The following KALRN variants were observed in gnomAD, a reference collection of about 807,000 sequenced individuals.
KALRN encodes the protein kalirin.
Under a neutral mutation model 353.7 loss-of-function variants are expected in KALRN, and 70 were observed. The observed-to-expected ratio is 0.20, with a 90% CI of 0.16 to 0.24. The LOEUF (loss-of-function observed/expected upper bound fraction) is 0.24, where lower values mean the gene tolerates loss of function less well. Among genes scored for constraint, KALRN ranks in the 10% least tolerant of loss-of-function variants. KALRN has a pLI of 1.00. For synonymous variants in KALRN, 1,391 were observed against 1,434.8 expected (o/e 0.97, Z 0.69); for missense variants, 2,791 against 3,756.7 (o/e 0.74, Z 6.72).
chr3:124,413,445 G>A (rs1367666588), intron 13 of KALRN, 25 bp from the exon 14 acceptor site: 2 of 1,606,532 alleles, frequency 1.2e-6, no homozygotes, highest in Non-Finnish European at 1.7e-6. Context: ...GTGAGCCTGT[G>A]CTGATGACAG....
intron 10 of KALRN, among the ~76,000 whole-genome samples, chr3:124,382,260 A>T (rs972974369): frequency 1.3e-5 from 2 of 152,146 alleles, no homozygotes; most frequent in Non-Finnish European, 2.9e-5. Flanking sequence ...ATTAGCTACT[A>T]TTATTCTGTT....
chr3:124,593,239 C>G (rs2075977532), intron 34 of KALRN, among the ~76,000 whole-genome samples: 1 of 152,190 alleles, frequency 6.6e-6, no homozygotes, highest in Non-Finnish European at 1.5e-5. Context: ...ACATTGTTTG[C>G]CACACATTTT....
chr3:124,612,398 T>C (rs1239816363), intron 34 of KALRN, among the ~76,000 whole-genome samples: 1 of 152,184 alleles, frequency 6.6e-6, no homozygotes, highest in Non-Finnish European at 1.5e-5. Flanking sequence ...ACATGGGGTT[T>C]CTCCATGTTG....
chr3:124,318,641 T>C (rs1467878051), intron 6 of KALRN, among the ~76,000 whole-genome samples: 2 of 152,214 alleles, frequency 1.3e-5, no homozygotes, highest in East Asian at 3.8e-4. Flanking sequence ...ACACAATCTA[T>C]TTTCTTACTG....
intron 36 of KALRN, among the ~76,000 whole-genome samples, chr3:124,635,369 C>T (rs1013723465): frequency 6.6e-6 from 1 of 152,224 alleles, no homozygotes; most frequent in Non-Finnish European, 1.5e-5. Flanking sequence ...CTAATTCCCT[C>T]AAACACAGCT....
chr3:124,208,609 A>T (rs1223628434), intron 1 of KALRN, among the ~76,000 whole-genome samples: 1 of 152,154 alleles, frequency 6.6e-6, no homozygotes, highest in Non-Finnish European at 1.5e-5. Context: ...TCCTGCTTCC[A>T]CTGTCTCCAG....
intron 10 of KALRN, among the ~76,000 whole-genome samples, chr3:124,367,424 A>C (rs1226453164): frequency 8.7e-5 from 3 of 34,454 alleles, no homozygotes; most frequent in African/African-American, 1.3e-4. Flanking sequence ...TGACCCCCCC[A>C]CCTCCCTCCC....
rs2080336520 is a variant in KALRN, at chr3:124,329,924, C to A, written c.1348C>A (p.Gln450Lys). ...CSEGGLPSEM[Q>K]DLELAIHHHQ... ...TGAAGGTGGTCTGCCATCCGAGATGCAAGACCTAGAGCTGGCAATCCACCA... is the reference window on the plus strand; with the variant it reads ...TGAAGGTGGTCTGCCATCCGAGATGAAAGACCTAGAGCTGGCAATCCACCA... The change falls in exon 8 of 60, where the codon CAA becomes AAA. Residue 450 changes from glutamine to lysine, a missense_variant. By Grantham distance (53) the Gln-to-Lys change is moderately conservative. This residue lies in a region of KALRN where 366 missense variants were observed against 489.2 expected (regional missense o/e 0.75). Coordinates refer to ENST00000682506, the MANE Select transcript of KALRN (RefSeq NM_001388419.1). 9 of 1,613,820 alleles carry A rather than the reference C, an allele frequency of 5.6e-6. No individual in the cohort carries two copies. Among genetic ancestry groups the A allele is most frequent in the Non-Finnish European group, 7.6e-6 (9 of 1,179,898 alleles).
At chr3:124,258,755 C>T (rs1026479919) in intron 3 of KALRN, among the ~76,000 whole-genome samples, 4 of 152,204 alleles carry the variant, frequency 2.6e-5, no homozygotes, top group African/African-American at 4.8e-5. Flanking sequence ...AAATTGCCTT[C>T]AGAATTTCAT....
At chr3:124,716,658 T>G (rs1021393022) in intron 58 of KALRN, among the ~76,000 whole-genome samples, 1 of 152,184 alleles carries the variant, frequency 6.6e-6, no homozygotes, top group African/African-American at 2.4e-5. Flanking sequence ...GAAAGTAGTT[T>G]GGCTAGGCAC....
At chr3:124,444,373 C>T (rs2093762128) in intron 19 of KALRN, among the ~76,000 whole-genome samples, 1 of 152,196 alleles carries the variant, frequency 6.6e-6, no homozygotes, top group South Asian at 2.1e-4. Context: ...CTGTTAACAA[C>T]TCATTTGCTA....
intron 34 of KALRN, among the ~76,000 whole-genome samples, chr3:124,564,413 G>A (rs2109918258): frequency 6.6e-6 from 1 of 152,172 alleles, no homozygotes; most frequent in East Asian, 1.9e-4. Context: ...TAAAAGCCAG[G>A]TACAGTGGCT....
chr3:124,265,873 T>A (rs138231591), intron 4 of KALRN, among the ~76,000 whole-genome samples: 1 of 152,124 alleles, frequency 6.6e-6, no homozygotes, highest in Non-Finnish European at 1.5e-5. Flanking sequence ...CCCAACACTT[T>A]GGGAGGCTGA....
Position 124,632,490 on chromosome 3 carries a change from C to T in KALRN, c.5253C>T (p.Pro1751=), listed in dbSNP as rs771589968. 1.5e-5 allele frequency: 25 copies of T among 1,614,066 alleles called. No homozygotes were observed. Among genetic ancestry groups the T allele is most frequent in the Non-Finnish European group, 1.9e-5 (23 of 1,180,028 alleles). ...SESVANLQAQ[P]SLNSIHSSPG... Reference sequence around the variant, plus strand: ...CCGTGGCCAACCTGCAGGCCCAGCCCTCCCTGAACTCCATCCACAGTTCCC... The same window carrying T: ...CCGTGGCCAACCTGCAGGCCCAGCCTTCCCTGAACTCCATCCACAGTTCCC... Residue 1751 remains proline, a synonymous_variant, in exon 35 of 60, where the codon CCC becomes CCT. Transcript: ENST00000682506.
intron 1 of KALRN, among the ~76,000 whole-genome samples, chr3:124,060,971 C>T (rs554463247): frequency 6.6e-6 from 1 of 152,320 alleles, no homozygotes; most frequent in Admixed American, 6.5e-5. Context: ...TAGGTCCCAA[C>T]CCCCAGCACA....
intron 6 of KALRN, among the ~76,000 whole-genome samples, chr3:124,312,542 C>T (rs549469305): frequency 1.3e-5 from 2 of 152,274 alleles, no homozygotes; most frequent in Admixed American, 1.3e-4. Flanking sequence ...GAGTATTTTG[C>T]AAGTGGGTCT....
chr3:124,639,821 G>A (rs894605900), intron 37 of KALRN, among the ~76,000 whole-genome samples: 1 of 152,184 alleles, frequency 6.6e-6, no homozygotes, highest in African/African-American at 2.4e-5. Flanking sequence ...CAGAATTAGA[G>A]CTATCTTTGG....
chr3:124,569,669 G>C (rs1379918882), intron 34 of KALRN, among the ~76,000 whole-genome samples: 1 of 152,176 alleles, frequency 6.6e-6, no homozygotes, highest in African/African-American at 2.4e-5. Context: ...ACCCTCCCAA[G>C]TCTGAAAGCC....
intron 29 of KALRN, chr3:124,488,613 C>T (rs2062816044): frequency 6.9e-6 from 2 of 288,070 alleles, no homozygotes; most frequent in Non-Finnish European, 1.3e-5. Context: ...CTAGAGCTTC[C>T]AACCTACAGC....
Sources: allele counts gnomAD v4.1 joint callset (sites outside exome capture counted in the v4.1 genomes callset), GRCh38; gene constraint gnomAD v4.1.1; regional missense constraint gnomAD v4.1.1; transcripts MANE v1.5; gene names NCBI Gene and HGNC (gene_info 2026-07-23, HGNC 2026-07-21).